CLDN10: variants seen among roughly 807,000 people sequenced by gnomAD.
The protein encoded by CLDN10 is claudin-10.
Under a neutral mutation model 22.9 loss-of-function variants are expected in CLDN10, and 15 were observed. The observed-to-expected ratio is 0.65, with a 90% CI of 0.44 to 1.01. The LOEUF (loss-of-function observed/expected upper bound fraction) is 1.01. CLDN10 is among the 50% of genes least tolerant of loss of function. The pLI is 0.00. For missense variants in CLDN10, 247 were observed against 287.8 expected (o/e 0.86, Z 1.03); for synonymous variants, 114 against 111.4 (o/e 1.02, Z -0.15).
At chr13:95,574,662 C>T (rs1286403841) in intron 3 of CLDN10, among the ~76,000 whole-genome samples, 2 of 151,934 alleles carry the variant, frequency 1.3e-5, no homozygotes, top group Non-Finnish European at 2.9e-5. Context: ...CCCAGCTACT[C>T]GGGAGGCTGA....
At chr13:95,528,048 G>T (rs2043303337) in intron 1 of CLDN10, among the ~76,000 whole-genome samples, 1 of 152,142 alleles carries the variant, frequency 6.6e-6, no homozygotes. Flanking sequence ...TCTAGGCTTT[G>T]TTCAAATCTT....
intron 1 of CLDN10, among the ~76,000 whole-genome samples, chr13:95,463,554 A>G (rs2042557889): frequency 6.6e-6 from 1 of 150,982 alleles, no homozygotes; most frequent in African/African-American, 2.4e-5. Flanking sequence ...GCTGGTCTTG[A>G]ACTCCTGGAA....
intron 1 of CLDN10, among the ~76,000 whole-genome samples, chr13:95,439,516 T>A (rs1052467173): frequency 1.8e-4 from 27 of 152,072 alleles, no homozygotes; most frequent in Non-Finnish European, 3.1e-4. Context: ...GTATTTTTAA[T>A]AGAGACAGAG....
Position 95,579,734 on chromosome 13 carries a change from A to AAAAT in CLDN10, c.*1724_*1727dup, listed in dbSNP as rs1444588822. On this transcript the variant is annotated 3_prime_UTR_variant, in exon 5 of 5. Transcript: ENST00000299339. ...AATGAACAAGTTTGTTAAAAGATAA[A>AAAAT]AAATAAAAAAAATTCCATACCTTGA... is the stretch of plus-strand genomic sequence containing the variant. 3 of 152,250 alleles carry AAAAT rather than the reference A, an allele frequency of 2.0e-5. No individual in the cohort carries two copies. The highest frequency in any genetic ancestry group is 7.2e-5 in the African/African-American group (3 of 41,462). 9.4% of individuals were successfully genotyped at this position (152,250 alleles called of 1,614,324 possible).
intron 1 of CLDN10, among the ~76,000 whole-genome samples, chr13:95,541,919 C>T (rs1373297789): frequency 6.6e-6 from 1 of 152,216 alleles, no homozygotes; most frequent in Non-Finnish European, 1.5e-5. Context: ...CTATAAATAT[C>T]TGAGACTGGG....
chr13:95,527,154 T>C (rs1246416103), intron 1 of CLDN10, among the ~76,000 whole-genome samples: 3 of 152,168 alleles, frequency 2.0e-5, no homozygotes, highest in Non-Finnish European at 1.5e-5. Context: ...GCGATATAAT[T>C]TGGGTTGTTT....
chr13:95,508,574 C>T (rs1229726577), intron 1 of CLDN10, among the ~76,000 whole-genome samples: 1 of 152,218 alleles, frequency 6.6e-6, no homozygotes, highest in South Asian at 2.1e-4. Context: ...ATGGTTCTTG[C>T]CATGAGGTAA....
At chr13:95,548,189 C>T (rs1157472769), upstream of CLDN10, among the ~76,000 whole-genome samples, 1 of 152,180 alleles carries the variant, frequency 6.6e-6, no homozygotes, top group African/African-American at 2.4e-5. Context: ...TGTACCCAAC[C>T]TGTCTACAAG....
intron 1 of CLDN10, among the ~76,000 whole-genome samples, chr13:95,492,975 G>A (rs1438376608): frequency 6.6e-6 from 1 of 152,156 alleles, no homozygotes; most frequent in Non-Finnish European, 1.5e-5. Context: ...TGGAAGAGGA[G>A]GGTCCCCCTT....
chr13:95,438,203 G>A (rs1032310676), intron 1 of CLDN10, among the ~76,000 whole-genome samples: 1 of 152,118 alleles, frequency 6.6e-6, no homozygotes, highest in Non-Finnish European at 1.5e-5. Context: ...ATAGGCACGT[G>A]CCACCATGCC....
chr13:95,463,286 ATATATATATATATATATATATAT>A lies in CLDN10; in HGVS notation c.214+29240_214+29262del, dbSNP rs1383004347. 8.7e-3 allele frequency among the ~76,000 whole-genome samples: 194 copies of A among 22,324 alleles called. 5 individuals carry two copies. The highest frequency in any genetic ancestry group is 0.024 in the Admixed American group (44 of 1,836). The allele number at this position is 22,324 out of a possible 152,430, so 14.6% of individuals were successfully genotyped here. On this transcript the variant is annotated intron_variant, in intron 1 of 4. Coordinates refer to the CLDN10 transcript ENST00000376873. Reference sequence around the variant, plus strand: ...GTTGAGTCAAAAGTGCAAATGCTTAATATATATATATATATATATATATATATATATATATATATTTGCCTTTT... The same window carrying A: ...GTTGAGTCAAAAGTGCAAATGCTTAAATATATATATATATATTTGCCTTTT...
chr13:95,466,542 T>C (rs975206675), intron 1 of CLDN10, among the ~76,000 whole-genome samples: 23 of 151,912 alleles, frequency 1.5e-4, no homozygotes, highest in Admixed American at 1.2e-3. Flanking sequence ...TAAATATATA[T>C]GACAAAGTAA....
intron 1 of CLDN10, among the ~76,000 whole-genome samples, chr13:95,492,084 G>C (rs9516589): frequency 7.9e-4 from 119 of 151,528 alleles, no homozygotes; most frequent in African/African-American, 2.8e-3. Context: ...GGGTATAATG[G>C]ACTCCGTGAG....
chr13:95,532,319 A>T (rs2043352705), intron 1 of CLDN10, among the ~76,000 whole-genome samples: 1 of 152,194 alleles, frequency 6.6e-6, no homozygotes, highest in Admixed American at 6.5e-5. Flanking sequence ...ACAACTCAAT[A>T]GAAAAGGAGC....
At chr13:95,576,375 G>C (rs1325006966) in intron 3 of CLDN10, among the ~76,000 whole-genome samples, 2 of 152,110 alleles carry the variant, frequency 1.3e-5, no homozygotes, top group Admixed American at 1.3e-4. Flanking sequence ...AAGTTTATGG[G>C]CCCCAAATAA....
chr13:95,539,780 TG>T (rs2043440121), intron 1 of CLDN10, among the ~76,000 whole-genome samples: 1 of 152,260 alleles, frequency 6.6e-6, no homozygotes, highest in Non-Finnish European at 1.5e-5. Flanking sequence ...GTTATAATTC[TG>T]TTTCTATAGA....
At chr13:95,487,488 T>C (rs749038598) in intron 1 of CLDN10, among the ~76,000 whole-genome samples, 9 of 152,232 alleles carry the variant, frequency 5.9e-5, no homozygotes, top group Admixed American at 2.0e-4. Context: ...GTAGAAGTTA[T>C]TCATGTTCAC....
chr13:95,488,691 T>C (rs1343662830), intron 1 of CLDN10, among the ~76,000 whole-genome samples: 1 of 152,184 alleles, frequency 6.6e-6, no homozygotes, highest in Non-Finnish European at 1.5e-5. Context: ...CAAACACTGA[T>C]AATTCATTTC....
chr13:95,558,236 A>C lies in CLDN10; in HGVS notation c.221-1896A>C, dbSNP rs566749759. ...CTCACAGGCTCTCTTCAAACTTGCA[A>C]GGGACTGACAGGCTTCCCCTCTCTG... On this transcript the variant is annotated intron_variant, in intron 1 of 4. Transcript: ENST00000299339. Among the ~76,000 whole-genome samples, 3 of 152,290 alleles carry C rather than the reference A, an allele frequency of 2.0e-5. No homozygotes were observed. In the East Asian group the frequency reaches 5.8e-4, roughly 29 times the overall value.
Sources: gnomAD v4.1 joint callset for allele counts (sites outside exome capture counted in the v4.1 genomes callset) on GRCh38, gnomAD v4.1.1 for gene constraint, MANE v1.5 for transcripts, NCBI Gene and HGNC (gene_info 2026-07-23, HGNC 2026-07-21) for gene names.